Variants in HDAC4 observed in about 807,000 individuals in gnomAD.
HDAC4 encodes histone deacetylase 4.
HDAC4 carries 16 observed loss-of-function variants against 135.1 expected under a neutral mutation model. The observed-to-expected ratio is 0.12, with a 90% CI of 0.08 to 0.18. HDAC4 has a LOEUF of 0.18. Among genes scored for constraint, HDAC4 ranks in the 10% least tolerant of loss-of-function variants. The pLI, the probability that HDAC4 is intolerant of heterozygous loss-of-function variation, is 1.00. For synonymous variants in HDAC4, 685 were observed against 653.4 expected (o/e 1.05, Z -0.74); for missense variants, 1,143 against 1,511.8 (o/e 0.76, Z 4.05).
intron 17 of HDAC4, among the ~76,000 whole-genome samples, chr2:239,093,726 T>C (rs2036734990): frequency 6.6e-6 from 1 of 152,182 alleles, no homozygotes; most frequent in Non-Finnish European, 1.5e-5. Context: ...ATTTAACACT[T>C]GGGAGGGGCT....
At chr2:239,075,469 T>A (rs2034649114) in intron 22 of HDAC4, among the ~76,000 whole-genome samples, 1 of 151,998 alleles carries the variant, frequency 6.6e-6, no homozygotes, top group Admixed American at 6.6e-5. Context: ...AAAGAGGGGA[T>A]CTTTAGAGAA....
intron 6 of HDAC4, among the ~76,000 whole-genome samples, chr2:239,161,572 G>A (rs999838420): frequency 2.6e-5 from 4 of 152,102 alleles, no homozygotes; most frequent in East Asian, 3.9e-4. Context: ...GTTCAAATAC[G>A]GCAAAACAAG....
intron 8 of HDAC4, among the ~76,000 whole-genome samples, chr2:239,142,562 G>A (rs1173127691): frequency 1.3e-5 from 2 of 152,336 alleles, no homozygotes; most frequent in African/African-American, 2.4e-5. Flanking sequence ...CAACTCCTAG[G>A]TGCCTCGGCA....
At chr2:239,401,348 C>A (rs575863015), upstream of HDAC4, 180 of 153,326 alleles carry the variant, frequency 1.2e-3, 6 homozygotes, top group South Asian at 0.033. Flanking sequence ...TCCCCGCACG[C>A]GTCCTGGACC....
intron 14 of HDAC4, among the ~76,000 whole-genome samples, chr2:239,109,120 C>G (rs992980784): frequency 6.6e-6 from 1 of 152,242 alleles, no homozygotes; most frequent in Non-Finnish European, 1.5e-5. Context: ...CCTGGTGACA[C>G]CTGGCAGGAG....
chr2:239,170,746 G>A (rs1316472209), intron 5 of HDAC4, among the ~76,000 whole-genome samples: 1 of 152,168 alleles, frequency 6.6e-6, no homozygotes, highest in Non-Finnish European at 1.5e-5. Context: ...GGAACACCAG[G>A]GCCGAGGTCA....
At chr2:239,066,146 G>A (rs898479429) in intron 24 of HDAC4, among the ~76,000 whole-genome samples, 2 of 152,316 alleles carry the variant, frequency 1.3e-5, no homozygotes, top group East Asian at 1.9e-4. Flanking sequence ...CCCCGAGCCC[G>A]TGGAACATTC....
chr2:239,293,130 G>T (rs1375178618), intron 2 of HDAC4, among the ~76,000 whole-genome samples: 1 of 152,178 alleles, frequency 6.6e-6, no homozygotes, highest in African/African-American at 2.4e-5. Context: ...ACCTGCTCCA[G>T]CTGGGTCAGT....
intron 1 of HDAC4, among the ~76,000 whole-genome samples, chr2:239,389,965 T>C (rs1170943767): frequency 6.6e-6 from 1 of 152,196 alleles, no homozygotes; most frequent in African/African-American, 2.4e-5. Context: ...AAGACAAAGA[T>C]GCTGTCCTTC....
chr2:239,248,110 T>C (rs1468466496), intron 2 of HDAC4, among the ~76,000 whole-genome samples: 1 of 151,892 alleles, frequency 6.6e-6, no homozygotes, highest in Non-Finnish European at 1.5e-5. Context: ...GCCGGTGGCT[T>C]CACCCAGCAA....
chr2:239,254,900 A>C (rs1024526710), intron 2 of HDAC4, among the ~76,000 whole-genome samples: 1 of 152,240 alleles, frequency 6.6e-6, no homozygotes, highest in Non-Finnish European at 1.5e-5. Context: ...CAAGGTAGGA[A>C]AGTTAGATGA....
chr2:239,096,918 G>A (rs1482367708), intron 16 of HDAC4, among the ~76,000 whole-genome samples: 1 of 152,150 alleles, frequency 6.6e-6, no homozygotes, highest in Non-Finnish European at 1.5e-5. Context: ...CGGGGCTGGG[G>A]AGCTGCCATG....
rs1302439029 is a variant in HDAC4, at chr2:239,051,274, G to T, written c.*1823C>A. 1 of 152,272 alleles carries T rather than the reference G, an allele frequency of 6.6e-6. No individual in the cohort carries two copies. Among genetic ancestry groups the T allele is most frequent in the Non-Finnish European group, 1.5e-5 (1 of 68,044 alleles). 9.4% of individuals were successfully genotyped at this position (152,272 alleles called of 1,614,324 possible). On this transcript the variant is annotated 3_prime_UTR_variant, in exon 27 of 27. Transcript: ENST00000543185. The stretch of plus-strand genomic sequence containing the variant: ...ACAGCTCCTAGGACAGACCAGGAAA[G>T]ACACAATCGTTGGTGTCACTCCGAA...
chr2:239,128,185 A>G (rs2040325381), intron 11 of HDAC4, among the ~76,000 whole-genome samples: 1 of 152,216 alleles, frequency 6.6e-6, no homozygotes, highest in Non-Finnish European at 1.5e-5. Context: ...ATTACAGTGA[A>G]TAACTAAAAA....
chr2:239,082,403 C>T (rs530143487), intron 20 of HDAC4, among the ~76,000 whole-genome samples, 182 bp from the exon 21 acceptor site: 17 of 152,312 alleles, frequency 1.1e-4, no homozygotes, highest in African/African-American at 2.6e-4. Flanking sequence ...GTCAGGGCTA[C>T]GTGGTGCAGG....
intron 2 of HDAC4, among the ~76,000 whole-genome samples, chr2:239,275,763 G>A (rs939146340): frequency 2.0e-5 from 3 of 152,146 alleles, no homozygotes; most frequent in African/African-American, 7.2e-5. Flanking sequence ...CATGATGCAA[G>A]AAGGCAAGAT....
At chr2:239,246,951 C>T (rs192584804) in intron 2 of HDAC4, among the ~76,000 whole-genome samples, 23 of 152,360 alleles carry the variant, frequency 1.5e-4, no homozygotes, top group Admixed American at 1.3e-3. Flanking sequence ...TGGCATGCAC[C>T]GTGTGCAGTT....
chr2:239,392,068 G>T (rs1696257764), intron 1 of HDAC4, among the ~76,000 whole-genome samples: 1 of 152,178 alleles, frequency 6.6e-6, no homozygotes, highest in Non-Finnish European at 1.5e-5. Flanking sequence ...CCCACACCAG[G>T]CCCCATCCTG....
chr2:239,086,611 G>A lies in HDAC4; in HGVS notation c.2444+948C>T, dbSNP rs1035103779. Among the ~76,000 whole-genome samples the A allele has an allele frequency of 2.0e-5, 3 of 152,148 alleles. 1 individual carries two copies. The South Asian group carries it at 6.2e-4, about 32-fold the overall frequency. ...ATCTGACTATCTCTCACGTCCTGCCGGCCCCTCCGTGGACGCCTGACTTCC... is the reference window on the plus strand; with the variant it reads ...ATCTGACTATCTCTCACGTCCTGCCAGCCCCTCCGTGGACGCCTGACTTCC... On this transcript the variant is annotated intron_variant, in intron 19 of 26. Coordinates refer to ENST00000543185, the MANE Select transcript of HDAC4 (RefSeq NM_001378414.1).
Sources: gnomAD v4.1 joint callset for allele counts (sites outside exome capture counted in the v4.1 genomes callset) on GRCh38, gnomAD v4.1.1 for gene constraint, MANE v1.5 for transcripts, NCBI Gene and HGNC (gene_info 2026-07-23, HGNC 2026-07-21) for gene names.